Variants in MCM8 observed in about 807,000 individuals in gnomAD.
MCM8 encodes the protein DNA helicase MCM8.
A neutral mutation model predicts 98.9 loss-of-function variants in MCM8; 85 were observed. The observed-to-expected ratio is 0.86, with a 90% CI of 0.72 to 1.03. MCM8 has a LOEUF of 1.03. MCM8 is among the 50% of genes least tolerant of loss of function. MCM8 has a pLI of 0.00. For synonymous variants in MCM8, 352 were observed against 338.6 expected (o/e 1.04, Z -0.44); for missense variants, 951 against 997.8 (o/e 0.95, Z 0.63).
intron 12 of MCM8, among the ~76,000 whole-genome samples, chr20:5,974,307 T>C (rs2089464745): frequency 6.6e-6 from 1 of 151,902 alleles, no homozygotes; most frequent in Non-Finnish European, 1.5e-5. Flanking sequence ...ATGCTTTTTT[T>C]GTAGAGATGG....
intron 12 of MCM8, among the ~76,000 whole-genome samples, chr20:5,977,053 A>G (rs1294455342): frequency 2.6e-5 from 4 of 152,228 alleles, no homozygotes; most frequent in Non-Finnish European, 5.9e-5. Context: ...CCACCTAGTA[A>G]ACCATCATAC....
At chr20:5,993,454 A>G in intron 17 of MCM8, 52 bp from the exon 18 acceptor site, 1 of 1,386,804 alleles carries the variant, frequency 7.2e-7, no homozygotes, top group Non-Finnish European at 9.5e-7. Context: ...CCAGGACAAC[A>G]ATTTCTATGG....
At chr20:5,962,871 G>C (rs532082775) in intron 7 of MCM8, among the ~76,000 whole-genome samples, 60 of 152,268 alleles carry the variant, frequency 3.9e-4, no homozygotes, top group African/African-American at 1.3e-3. Flanking sequence ...AGATGAGAAA[G>C]CTGGGGATTA....
chr20:5,964,828 G>C (rs1015900050), intron 8 of MCM8, among the ~76,000 whole-genome samples: 1 of 152,108 alleles, frequency 6.6e-6, no homozygotes, highest in South Asian at 2.1e-4. Flanking sequence ...TTCAATGATT[G>C]TACTTACATT....
chr20:5,987,327 G>C lies in MCM8; in HGVS notation c.2209G>C (p.Ala737Pro), dbSNP rs146056799. The C allele has an allele frequency of 2.5e-6, 4 of 1,612,944 alleles. No individual in the cohort carries two copies. The East Asian group carries it at 8.9e-5, about 36-fold the overall frequency. The change falls in exon 17 of 19, where the codon GCT becomes CCT. Residue 737 changes from alanine (A) to proline (P), a missense_variant. Physicochemically the swap from Ala to Pro is conservative, Grantham distance 27 (BLOSUM62 -1). Transcript: ENST00000610722. ...GAGAGAGGAAGCAACCAAAGAAGAC[G>C]CTGAGGATATAGTGGAAATTATGAA... ...ELREEATKED[A>P]EDIVEIMKYS...
intron 10 of MCM8, among the ~76,000 whole-genome samples, chr20:5,970,918 C>G (rs2089388548): frequency 6.6e-6 from 1 of 152,158 alleles, no homozygotes; most frequent in South Asian, 2.1e-4. Context: ...AAGTTATTCT[C>G]CCACCTCAGC....
chr20:5,957,414 T>C (rs1395077547), intron 6 of MCM8, among the ~76,000 whole-genome samples, 185 bp downstream of exon 6: 1 of 152,224 alleles, frequency 6.6e-6, no homozygotes, highest in African/African-American at 2.4e-5. Context: ...TGACAGATAC[T>C]TCCTAAATAA....
intron 16 of MCM8, among the ~76,000 whole-genome samples, chr20:5,986,930 A>G (rs1363940499): frequency 5.3e-5 from 8 of 152,084 alleles, no homozygotes; most frequent in African/African-American, 1.9e-4. Context: ...GGCTCAAGGG[A>G]TCCTCCCACC....
chr20:5,955,560 G>A (rs2088957157), intron 5 of MCM8, among the ~76,000 whole-genome samples: 1 of 152,104 alleles, frequency 6.6e-6, no homozygotes, highest in South Asian at 2.1e-4. Context: ...CAATCTCATA[G>A]GGAAGATAAA....
chr20:5,967,890 G>T lies in MCM8; in HGVS notation c.1088G>T (p.Ser363Ile), dbSNP rs1465120268. 5 of 1,613,674 alleles carry T rather than the reference G, an allele frequency of 3.1e-6. No individual in the cohort carries two copies. Among genetic ancestry groups the T allele is most frequent in the Non-Finnish European group, 4.2e-6 (5 of 1,179,850 alleles). Residue 363 changes from serine to isoleucine, a missense_variant, in exon 10 of 19, where the codon AGT becomes ATT. By Grantham distance (142) the Ser-to-Ile change is moderately radical. Coordinates refer to ENST00000610722, the MANE Select transcript of MCM8 (RefSeq NM_032485.6). ...TTGTATATTGAAGCAAATTCTATTA[G>T]TAATAGCAAAGGACAGAAAACAAAG... The part of the protein sequence containing the change: ...FLLYIEANSI[S>I]NSKGQKTKSS...
intron 5 of MCM8, among the ~76,000 whole-genome samples, chr20:5,955,702 T>G (rs1038024426): frequency 2.4e-4 from 37 of 152,218 alleles, no homozygotes; most frequent in African/African-American, 7.5e-4. Flanking sequence ...TGTACTGTGC[T>G]TGCCTGAGTT....
In MCM8 at chr20:5,977,873, T is replaced by G. The variant is rs2089546063; in HGVS notation, c.1396-3T>G. 6.2e-7 allele frequency: 1 copy of G among 1,613,652 alleles called. No homozygotes were observed. Among genetic ancestry groups the G allele is most frequent in the African/African-American group, 1.3e-5 (1 of 74,934 alleles). On this transcript the variant is annotated splice_polypyrimidine_tract_variant and splice_region_variant and intron_variant, in intron 12 of 18. Coordinates refer to ENST00000610722, the MANE Select transcript of MCM8 (RefSeq NM_032485.6). ...GATTCTCTTAAACTTTTTGTTTCCT[T>G]AGGCAGCGTGCAATGTTGCCCCACG...
chr20:5,972,655 AACAGTTCTCCC>A, intron 11 of MCM8: 1 of 830,786 alleles, frequency 1.2e-6, no homozygotes, highest in Non-Finnish European at 1.8e-6. Flanking sequence ...CCCAAGTTCA[AACAGTTCTCCC>A]ACCTCAGCCT....
intron 7 of MCM8, 25 bp from the exon 8 acceptor site, chr20:5,963,249 T>C (rs1423920830): frequency 5.2e-6 from 8 of 1,548,528 alleles, no homozygotes; most frequent in Non-Finnish European, 7.1e-6. Flanking sequence ...AAAATCTGAA[T>C]GTGAATTACT....
intron 12 of MCM8, among the ~76,000 whole-genome samples, chr20:5,974,674 C>A (rs1190768996): frequency 6.6e-6 from 1 of 152,210 alleles, no homozygotes; most frequent in Admixed American, 6.5e-5. Context: ...CAACAGTCCA[C>A]AGATGATTCT....
chr20:5,967,666 C>T (rs6076902), intron 9 of MCM8, 79 bp downstream of exon 9: 1 of 1,478,778 alleles, frequency 6.8e-7, no homozygotes, highest in East Asian at 2.3e-5. Context: ...GCTCCTGAAC[C>T]TCAAATAATT....
At chr20:5,985,073 G>A in intron 15 of MCM8, 73 bp downstream of exon 15, 3 of 1,236,400 alleles carry the variant, frequency 2.4e-6, no homozygotes, top group Non-Finnish European at 3.4e-6. Flanking sequence ...GCTTATTGTA[G>A]AGCAGTAGGA....
At chr20:5,965,113 TTTA>T (rs1407399268) in intron 8 of MCM8, 12 of 152,230 alleles carry the variant, frequency 7.9e-5, no homozygotes, top group African/African-American at 2.4e-4. Flanking sequence ...TCTTCCAGAG[TTTA>T]TTTATAGGTC....
intron 3 of MCM8, among the ~76,000 whole-genome samples, chr20:5,953,866 A>C (rs1012728517): frequency 6.6e-6 from 1 of 152,092 alleles, no homozygotes; most frequent in African/African-American, 2.4e-5. Context: ...GTGAATGAAT[A>C]GAGTACTTTA....
Sources: allele counts gnomAD v4.1 joint callset (sites outside exome capture counted in the v4.1 genomes callset), GRCh38; gene constraint gnomAD v4.1.1; transcripts MANE v1.5; gene names NCBI Gene and HGNC (gene_info 2026-07-23, HGNC 2026-07-21).